The following SAMD12 variants were observed in gnomAD, a reference collection of about 807,000 sequenced individuals.
The protein encoded by SAMD12 is sterile alpha motif domain-containing protein 12.
Under a neutral mutation model 15.0 loss-of-function variants are expected in SAMD12, and 9 were observed. That is an observed-to-expected ratio of 0.60 (90% confidence interval 0.36 to 1.05). The LOEUF (loss-of-function observed/expected upper bound fraction) is 1.05, where lower values mean the gene tolerates loss of function less well. Ranked by LOEUF, SAMD12 falls within the 50% of genes least tolerant of loss-of-function variation. The pLI is 0.01. For synonymous variants in SAMD12, 86 were observed against 90.1 expected (o/e 0.96, Z 0.25); for missense variants, 230 against 234.2 (o/e 0.98, Z 0.12).
In SAMD12 at chr8:118,552,479, C is replaced by G. The variant is rs529123779; in HGVS notation, c.192+28236G>C. Among the ~76,000 whole-genome samples, 373 of 150,426 alleles carry G rather than the reference C, an allele frequency of 2.5e-3. 2 individuals carry two copies. The highest frequency in any genetic ancestry group is 6.8e-3 in the Middle Eastern group (2 of 292). On this transcript the variant is annotated intron_variant, in intron 2 of 3. Coordinates refer to ENST00000314727, the MANE Select transcript of SAMD12 (RefSeq NM_207506.3). ...AAGGCCTTTGACAAAATTCAACAACCCTTCATGCTAAAAACTCTCAATAAA... is the reference window on the plus strand; with the variant it reads ...AAGGCCTTTGACAAAATTCAACAACGCTTCATGCTAAAAACTCTCAATAAA...
intron 2 of SAMD12, among the ~76,000 whole-genome samples, chr8:118,501,886 A>G (rs951060757): frequency 2.0e-5 from 3 of 152,074 alleles, no homozygotes; most frequent in Admixed American, 1.3e-4. Context: ...GCGTGGTGGC[A>G]GGCGCCTGTA....
intron 1 of SAMD12, among the ~76,000 whole-genome samples, chr8:118,614,749 C>A (rs569983378): frequency 6.6e-6 from 1 of 152,340 alleles, no homozygotes; most frequent in African/African-American, 2.4e-5. Flanking sequence ...AGGTGGGCCA[C>A]CGCTGTCACC....
At chr8:118,164,716 G>T in the SAMD12 span, among the ~76,000 whole-genome samples, 2 of 151,326 alleles carry the variant, frequency 1.3e-5, no homozygotes, top group Non-Finnish European at 2.9e-5. Context: ...ACTTCATCAA[G>T]CCTGATTTTA....
At chr8:118,161,643 T>G in the SAMD12 span, among the ~76,000 whole-genome samples, 1 of 150,650 alleles carries the variant, frequency 6.6e-6, no homozygotes, top group East Asian at 1.9e-4. Context: ...AGATCATATA[T>G]CTGGCAAAGG....
chr8:118,593,113 AAT>A, intron 1 of SAMD12, among the ~76,000 whole-genome samples: 1 of 152,176 alleles, frequency 6.6e-6, no homozygotes, highest in Non-Finnish European at 1.5e-5. Context: ...GATCTTCACA[AAT>A]GTCTATATAT....
chr8:118,491,433 T>C (rs1232892612), intron 2 of SAMD12, among the ~76,000 whole-genome samples: 1 of 152,200 alleles, frequency 6.6e-6, no homozygotes, highest in Non-Finnish European at 1.5e-5. Context: ...GCACTTCATC[T>C]ATTTTATTCA....
downstream of SAMD12, among the ~76,000 whole-genome samples, chr8:118,375,239 A>G (rs78500034): frequency 1.9e-4 from 29 of 152,298 alleles, no homozygotes; most frequent in East Asian, 5.6e-3. Flanking sequence ...AATAAAGGCA[A>G]TAAAGCGTAA....
intron 4 of SAMD12, among the ~76,000 whole-genome samples, chr8:118,344,495 C>T (rs57016539): frequency 0.011 from 1,696 of 152,302 alleles, 27 homozygotes; most frequent in African/African-American, 0.039. Flanking sequence ...GAAATAGAGG[C>T]TAACATGGCT....
intron 4 of SAMD12, among the ~76,000 whole-genome samples, chr8:118,266,885 A>T (rs936719709): frequency 6.6e-5 from 10 of 152,080 alleles, no homozygotes; most frequent in African/African-American, 2.4e-4. Context: ...ATTTAATTTA[A>T]CAGGAGAAAT....
chr8:118,159,487 C>T, the SAMD12 span, among the ~76,000 whole-genome samples: 3 of 152,124 alleles, frequency 2.0e-5, no homozygotes, highest in Non-Finnish European at 4.4e-5. Context: ...GTGCAGCCTG[C>T]CAGGCTGAGT....
chr8:118,471,995 A>C (rs1823808337), intron 2 of SAMD12, among the ~76,000 whole-genome samples: 1 of 152,216 alleles, frequency 6.6e-6, no homozygotes, highest in South Asian at 2.1e-4. Context: ...ATCTGTAAAA[A>C]GTACACAATA....
intron 4 of SAMD12, among the ~76,000 whole-genome samples, chr8:118,364,094 C>A (rs539127422): frequency 6.6e-6 from 1 of 152,158 alleles, no homozygotes; most frequent in South Asian, 2.1e-4. Flanking sequence ...CCGAACCGAC[C>A]TTTTAGAGCT....
chr8:118,354,842 G>C (rs945810041), intron 4 of SAMD12, among the ~76,000 whole-genome samples: 4 of 152,220 alleles, frequency 2.6e-5, no homozygotes, highest in African/African-American at 7.2e-5. Flanking sequence ...AATAACAGGA[G>C]TCTGCCTTGC....
At chr8:118,473,991 T>C (rs1823885370) in intron 2 of SAMD12, among the ~76,000 whole-genome samples, 2 of 152,200 alleles carry the variant, frequency 1.3e-5, no homozygotes, top group Non-Finnish European at 2.9e-5. Context: ...TGCAGTCTCA[T>C]TCTATAGCCC....
intron 4 of SAMD12, among the ~76,000 whole-genome samples, chr8:118,345,901 G>A (rs1817614398): frequency 6.6e-6 from 1 of 152,084 alleles, no homozygotes; most frequent in Non-Finnish European, 1.5e-5. Flanking sequence ...ATAAAAGGAA[G>A]ACAAGTCAGC....
intron 1 of SAMD12, among the ~76,000 whole-genome samples, chr8:118,595,259 T>C (rs1827695479): frequency 6.6e-6 from 1 of 152,174 alleles, no homozygotes; most frequent in Non-Finnish European, 1.5e-5. Flanking sequence ...TAGGGAAGGA[T>C]TTATATTCCT....
chr8:118,507,883 T>C (rs980178884), intron 2 of SAMD12, among the ~76,000 whole-genome samples: 4 of 151,814 alleles, frequency 2.6e-5, no homozygotes, highest in Admixed American at 1.3e-4. Context: ...CTGGAACCAA[T>C]CCCCAGTACC....
At chr8:118,132,820 A>C in the SAMD12 span, among the ~76,000 whole-genome samples, 1 of 151,602 alleles carries the variant, frequency 6.6e-6, no homozygotes, top group African/African-American at 2.4e-5. Context: ...AGATTTACTT[A>C]CATATGTTTT....
At chr8:118,162,890 T>A in the SAMD12 span, among the ~76,000 whole-genome samples, 1 of 152,108 alleles carries the variant, frequency 6.6e-6, no homozygotes, top group Non-Finnish European at 1.5e-5. Context: ...ATTAAAGTTG[T>A]GGAAAATGAA....
Sources: gnomAD v4.1 joint callset for allele counts (sites outside exome capture counted in the v4.1 genomes callset) on GRCh38, gnomAD v4.1.1 for gene constraint, MANE v1.5 for transcripts, NCBI Gene and HGNC (gene_info 2026-07-23, HGNC 2026-07-21) for gene names.